The following ITPR1 variants were observed in gnomAD, a reference collection of about 807,000 sequenced individuals.
ITPR1 encodes the protein inositol 1,4,5-trisphosphate receptor type 1.
Under a neutral mutation model 318.4 loss-of-function variants are expected in ITPR1, and 96 were observed. The observed-to-expected ratio is 0.30, with a 90% CI of 0.26 to 0.36. ITPR1 has a LOEUF of 0.36. Among genes scored for constraint, ITPR1 ranks in the 10% least tolerant of loss-of-function variants. ITPR1 has a pLI of 1.00. For synonymous variants in ITPR1, 1,312 were observed against 1,289.9 expected, an observed-to-expected ratio of 1.02 and a Z score of -0.37; for missense variants, 2,440 against 3,460.2, an observed-to-expected ratio of 0.71 and a Z score of 7.40.
chr3:4,778,116 T>G (rs1264160569), intron 48 of ITPR1, among the ~76,000 whole-genome samples: 1 of 152,192 alleles, frequency 6.6e-6, no homozygotes, highest in Non-Finnish European at 1.5e-5. Context: ...TTTGAGAAAT[T>G]GATATACCAT....
chr3:4,577,177 G>A (rs1006424435), intron 4 of ITPR1, among the ~76,000 whole-genome samples: 1 of 152,136 alleles, frequency 6.6e-6, no homozygotes, highest in Non-Finnish European at 1.5e-5. Flanking sequence ...GAGGGCCCTG[G>A]GCACATGATG....
At chr3:4,565,098 A>G (rs958354314) in intron 4 of ITPR1, among the ~76,000 whole-genome samples, 1 of 152,190 alleles carries the variant, frequency 6.6e-6, no homozygotes, top group Non-Finnish European at 1.5e-5. Context: ...TGTACTGAGC[A>G]TTGGTAGGCT....
chr3:4,793,617 A>T (rs1384637410), intron 52 of ITPR1, among the ~76,000 whole-genome samples: 3 of 152,242 alleles, frequency 2.0e-5, no homozygotes, highest in Admixed American at 6.5e-5. Context: ...CAAAGAAAGT[A>T]CATTGCTACG....
intron 5 of ITPR1, 90 bp from the exon 6 acceptor site, chr3:4,639,294 T>A (rs1445321887): frequency 4.1e-6 from 4 of 978,186 alleles, no homozygotes; most frequent in Non-Finnish European, 6.3e-6. Flanking sequence ...GTGGTTCTTG[T>A]ATGAACTGGC....
intron 4 of ITPR1, among the ~76,000 whole-genome samples, chr3:4,563,246 A>T (rs1293036091): frequency 6.6e-6 from 1 of 152,116 alleles, no homozygotes; most frequent in Non-Finnish European, 1.5e-5. Flanking sequence ...TGGGTGTCAC[A>T]CCTGTAATCC....
chr3:4,697,416 G>A (rs1448283855), intron 34 of ITPR1, 144 bp downstream of exon 34: 2 of 620,606 alleles, frequency 3.2e-6, no homozygotes, highest in African/African-American at 1.9e-5. Context: ...CGTGGCATGA[G>A]GAGGCACTTG....
At chr3:4,493,823 A>G (rs868653808) in intron 1 of ITPR1, among the ~76,000 whole-genome samples, 1 of 151,100 alleles carries the variant, frequency 6.6e-6, no homozygotes, top group South Asian at 2.1e-4. Flanking sequence ...GGGGCTCCCC[A>G]TTCTGGTCTG....
At chr3:4,584,266 A>G (rs986472858) in intron 4 of ITPR1, among the ~76,000 whole-genome samples, 2 of 152,032 alleles carry the variant, frequency 1.3e-5, no homozygotes, top group East Asian at 3.8e-4. Flanking sequence ...CCCCCAAACC[A>G]ACTGGAATCC....
At chr3:4,640,334 G>T (rs1395074394) in intron 6 of ITPR1, among the ~76,000 whole-genome samples, 1 of 152,178 alleles carries the variant, frequency 6.6e-6, no homozygotes, top group Non-Finnish European at 1.5e-5. Context: ...AACCTTTGGG[G>T]TTTAAATGGG....
chr3:4,702,280 G>A (rs557701802), intron 35 of ITPR1, among the ~76,000 whole-genome samples: 4 of 152,224 alleles, frequency 2.6e-5, no homozygotes, highest in East Asian at 1.9e-4. Context: ...GTAACTATCC[G>A]AATTCTCTTT....
At chr3:4,613,406 T>A (rs933812630) in intron 4 of ITPR1, among the ~76,000 whole-genome samples, 1 of 152,188 alleles carries the variant, frequency 6.6e-6, no homozygotes, top group Non-Finnish European at 1.5e-5. Flanking sequence ...CTTTTCCCTT[T>A]AGCTTAGTGA....
intron 37 of ITPR1, among the ~76,000 whole-genome samples, chr3:4,709,088 G>A (rs993246464): frequency 6.6e-6 from 1 of 152,208 alleles, no homozygotes; most frequent in African/African-American, 2.4e-5. Context: ...AGATTTGCCA[G>A]AGTCAGGATC....
At chr3:4,671,609 C>G (rs909524867) in intron 20 of ITPR1, 1 of 152,472 alleles carries the variant, frequency 6.6e-6, no homozygotes, top group East Asian at 1.9e-4. Context: ...TCCACGGTCC[C>G]CAGTGTCTCC....
chr3:4,542,918 A>G (rs1454913137), intron 4 of ITPR1, among the ~76,000 whole-genome samples: 3 of 152,162 alleles, frequency 2.0e-5, no homozygotes, highest in Non-Finnish European at 4.4e-5. Flanking sequence ...GTACATTTCA[A>G]AATGTTTTCT....
At chr3:4,630,977 A>G (rs2092998659) in intron 5 of ITPR1, among the ~76,000 whole-genome samples, 1 of 152,240 alleles carries the variant, frequency 6.6e-6, no homozygotes, top group African/African-American at 2.4e-5. Context: ...GTGGCGACTA[A>G]CATTAAAGAG....
At chr3:4,661,944 T>A (rs1042123448) in intron 14 of ITPR1, 138 bp from the exon 15 acceptor site, 7 of 650,080 alleles carry the variant, frequency 1.1e-5, no homozygotes, top group Non-Finnish European at 1.2e-5. Flanking sequence ...CCTTGTAGAT[T>A]TTTTTCCTAT....
At chr3:4,520,991 A>G (rs781672998) in intron 3 of ITPR1, 33 bp from the exon 4 acceptor site, 2 of 1,546,054 alleles carry the variant, frequency 1.3e-6, no homozygotes, top group Non-Finnish European at 1.8e-6. Flanking sequence ...ATTTTCATAC[A>G]CTTGACAGAG....
Position 4,650,043 on chromosome 3 carries a change from C to T in ITPR1, c.856-2080C>T, listed in dbSNP as rs75102137. On this transcript the variant is annotated intron_variant, in intron 10 of 61. Transcript: ENST00000649015. ...CATGTTGAAAGTGTATTCATATTGC[C>T]ACATGTATCAGTACTTCATTTCTTT... is the stretch of plus-strand genomic sequence containing the variant. 3.3e-3 allele frequency among the ~76,000 whole-genome samples: 496 copies of T among 152,280 alleles called. 5 individuals are homozygous for T. The highest frequency in any genetic ancestry group is 0.011 in the African/African-American group (454 of 41,550).
At chr3:4,776,443 T>C (rs17729477) in intron 47 of ITPR1, among the ~76,000 whole-genome samples, 22,787 of 152,152 alleles carry the variant, frequency 0.15, 1,964 homozygotes, top group Non-Finnish European at 0.2. Flanking sequence ...AAATGGTCAG[T>C]GCTAAACCCA....
Sources: allele counts gnomAD v4.1 joint callset (sites outside exome capture counted in the v4.1 genomes callset), GRCh38; gene constraint gnomAD v4.1.1; transcripts MANE v1.5; gene names NCBI Gene and HGNC (gene_info 2026-07-23, HGNC 2026-07-21).